Variants in GABPB2 observed in about 807,000 individuals in gnomAD.
The protein encoded by GABPB2 is GA binding protein transcription factor subunit beta 2.
A neutral mutation model predicts 39.1 loss-of-function variants in GABPB2; 23 were observed. The ratio of observed to expected loss-of-function variants is 0.59; its 90% CI spans 0.42 to 0.83. The LOEUF is 0.83. Among genes scored for constraint, GABPB2 ranks in the 40% least tolerant of loss-of-function variants. GABPB2 has a pLI of 0.00. For synonymous variants in GABPB2, 184 were observed against 199.3 expected, an observed-to-expected ratio of 0.92 and a Z score of 0.65; for missense variants, 467 against 541.1, an observed-to-expected ratio of 0.86 and a Z score of 1.36.
chr1:151,116,867 C>T (rs1427253989), intron 7 of GABPB2, among the ~76,000 whole-genome samples: 1 of 152,134 alleles, frequency 6.6e-6, no homozygotes, highest in Non-Finnish European at 1.5e-5. Context: ...ACCTTAGCCT[C>T]CCAACATGCT....
intron 1 of GABPB2, among the ~76,000 whole-genome samples, chr1:151,081,168 C>T (rs1230903080): frequency 6.6e-6 from 1 of 151,438 alleles, no homozygotes; most frequent in East Asian, 2.0e-4. Flanking sequence ...CCACCACACC[C>T]GGCCAACATA....
intron 1 of GABPB2, 92 bp from the exon 2 acceptor site, chr1:151,088,098 T>G (rs1020012110): frequency 2.2e-5 from 18 of 828,918 alleles, no homozygotes; most frequent in Non-Finnish European, 3.6e-5. Flanking sequence ...TTATATACAT[T>G]CAAATATAAG....
intron 1 of GABPB2, among the ~76,000 whole-genome samples, chr1:151,073,872 A>G (rs1452582871): frequency 6.6e-6 from 1 of 151,820 alleles, no homozygotes; most frequent in Admixed American, 6.6e-5. Flanking sequence ...GTGAGCCAAG[A>G]TCGCGCCACT....
chr1:151,118,210 C>G lies in GABPB2; in HGVS notation c.1301C>G (p.Thr434Ser). ...RETKVTGSAG[T>S]TEPHTRVSMA... is the part of the protein sequence containing the mutation. Reference sequence around the variant, plus strand: ...ACAAAAGTGACTGGGTCAGCAGGGACCACAGAGCCTCACACTAGAGTTTCC... The same window carrying G: ...ACAAAAGTGACTGGGTCAGCAGGGAGCACAGAGCCTCACACTAGAGTTTCC... The change falls in exon 9 of 9, where the codon ACC (threonine) becomes AGC (serine). Residue 434 changes from threonine to serine, a missense_variant. By Grantham distance (58) the Thr-to-Ser change is moderately conservative. Transcript: ENST00000368918. 6.2e-7 allele frequency: 1 copy of G among 1,614,076 alleles called. No homozygotes were observed. The highest frequency in any genetic ancestry group is 8.5e-7 in the Non-Finnish European group (1 of 1,180,004).
At chr1:151,079,904 C>A (rs2102999311) in intron 1 of GABPB2, among the ~76,000 whole-genome samples, 1 of 151,108 alleles carries the variant, frequency 6.6e-6, no homozygotes, top group Non-Finnish European at 1.5e-5. Context: ...CACACACACA[C>A]AAAATAATAA....
chr1:151,083,684 C>T (rs1188940380), intron 1 of GABPB2, among the ~76,000 whole-genome samples: 2 of 150,084 alleles, frequency 1.3e-5, no homozygotes, highest in South Asian at 2.1e-4. Flanking sequence ...TATATACTGT[C>T]AGTTGTTCTC....
chr1:151,111,400 G>T (rs1440668876), intron 7 of GABPB2, among the ~76,000 whole-genome samples: 1 of 134,402 alleles, frequency 7.4e-6, no homozygotes, highest in Non-Finnish European at 1.6e-5. Flanking sequence ...GCCCACCACC[G>T]CCCCCCACTA....
At position 151,071,709 on chromosome 1, in the gene GABPB2, G is replaced by T. The variant is rs1282897576; in HGVS notation, c.-1+775G>T. Among the ~76,000 whole-genome samples the T allele has an allele frequency of 1.4e-4, 22 of 152,110 alleles. 1 individual carries two copies. Among genetic ancestry groups the T allele is most frequent in the Admixed American group, 7.2e-4 (11 of 15,240 alleles). On this transcript the variant is annotated intron_variant, in intron 1 of 8. Transcript: ENST00000368918. ...CTGGTCTCGAACTCCTGACCTTAGG[G>T]GATCCCCCCGCCTTGGCCTTCCAAA...
intron 7 of GABPB2, among the ~76,000 whole-genome samples, chr1:151,113,257 A>G (rs1680604661): frequency 6.6e-6 from 1 of 151,716 alleles, no homozygotes; most frequent in Non-Finnish European, 1.5e-5. Flanking sequence ...TCATGAGGTC[A>G]GGAGATCGAG....
intron 7 of GABPB2, among the ~76,000 whole-genome samples, chr1:151,109,364 A>ATATATATATTTT (rs779537595): frequency 8.9e-6 from 1 of 112,392 alleles, no homozygotes; most frequent in Non-Finnish European, 1.7e-5. Context: ...ATATATATAT[A>ATATATATATTTT]TTTTTTTTTT....
chr1:151,078,365 G>A (rs1027419239), intron 1 of GABPB2, among the ~76,000 whole-genome samples: 33 of 152,126 alleles, frequency 2.2e-4, no homozygotes, highest in African/African-American at 6.5e-4. Flanking sequence ...AGGCCAAGGC[G>A]GGCGGATCAC....
At chr1:151,080,239 A>G (rs1211461148) in intron 1 of GABPB2, among the ~76,000 whole-genome samples, 1 of 149,644 alleles carries the variant, frequency 6.7e-6, no homozygotes, top group African/African-American at 2.5e-5. Flanking sequence ...AAAAAAAAAA[A>G]AAAAACAATA....
Position 151,097,975 on chromosome 1 carries a change from T to A in GABPB2, c.595T>A (p.Ser199Thr). Residue 199 changes from serine (S) to threonine (T), a missense_variant, in exon 5 of 9, where the codon TCT (serine) becomes ACT (threonine). By Grantham distance (58) the Ser-to-Thr change is moderately conservative (BLOSUM62 1). Coordinates refer to ENST00000368918, the MANE Select transcript of GABPB2 (RefSeq NM_144618.3). Reference sequence around the variant, plus strand: ...GGTTGTTAACCTCGCAAGCCTTATTTCTTCAACCAACACCAAAACAACCTC... The same window carrying A: ...GGTTGTTAACCTCGCAAGCCTTATTACTTCAACCAACACCAAAACAACCTC... ...GEVVNLASLISSTNTKTTSGD... is the reference protein window; with the variant it reads ...GEVVNLASLITSTNTKTTSGD... 1.2e-6 allele frequency: 2 copies of A among 1,614,054 alleles called. No individual in the cohort carries two copies. Among genetic ancestry groups the A allele is most frequent in the Non-Finnish European group, 1.7e-6 (2 of 1,179,996 alleles).
intron 3 of GABPB2, among the ~76,000 whole-genome samples, chr1:151,092,042 C>G (rs1199388523): frequency 6.6e-6 from 1 of 151,806 alleles, no homozygotes; most frequent in African/African-American, 2.4e-5. Flanking sequence ...AGCAATTCTC[C>G]TGCCTCAGCC....
chr1:151,117,903 T>C (rs753829069), intron 8 of GABPB2, 54 bp from the exon 9 acceptor site: 116 of 1,539,570 alleles, frequency 7.5e-5, no homozygotes, highest in Non-Finnish European at 9.7e-5. Context: ...GTCTACTGTC[T>C]GGATAATTTA....
chr1:151,074,817 T>C (rs1348924906), intron 1 of GABPB2, among the ~76,000 whole-genome samples: 2 of 152,054 alleles, frequency 1.3e-5, no homozygotes, highest in Admixed American at 1.3e-4. Context: ...GTCTTTATGA[T>C]CTGTATCTCG....
chr1:151,078,728 C>T (rs1677403125), intron 1 of GABPB2, among the ~76,000 whole-genome samples: 1 of 152,144 alleles, frequency 6.6e-6, no homozygotes, highest in Non-Finnish European at 1.5e-5. Context: ...CAACCTCTGC[C>T]TCCCAGGTTC....
At chr1:151,096,150 G>A (rs1365024479) in intron 4 of GABPB2, among the ~76,000 whole-genome samples, 2 of 151,728 alleles carry the variant, frequency 1.3e-5, no homozygotes, top group African/African-American at 2.4e-5. Context: ...CTGGCTGGGC[G>A]TGGTGGCTCA....
At chr1:151,082,095 G>A (rs993889572) in intron 1 of GABPB2, among the ~76,000 whole-genome samples, 4 of 42,122 alleles carry the variant, frequency 9.5e-5, no homozygotes, top group Non-Finnish European at 1.4e-4. Flanking sequence ...TTTTTTTTTT[G>A]AGATGGAGTC....
Sources: allele counts gnomAD v4.1 joint callset (sites outside exome capture counted in the v4.1 genomes callset), GRCh38; gene constraint gnomAD v4.1.1; transcripts MANE v1.5; gene names NCBI Gene and HGNC (gene_info 2026-07-23, HGNC 2026-07-21).